The following TTLL12 variants were observed in gnomAD, a reference collection of about 807,000 sequenced individuals.
TTLL12 encodes tubulin tyrosine ligase like 12.
In TTLL12, 77 loss-of-function variants were observed where a neutral mutation model predicts 79.6. The ratio of observed to expected loss-of-function variants is 0.97; its 90% CI spans 0.81 to 1.17. The LOEUF is 1.17. Ranked by LOEUF, TTLL12 falls within the 50% of genes most tolerant of loss-of-function variation. The probability of loss-of-function intolerance (pLI) is 0.00; values close to 1 mark genes in which losing one functional copy is unlikely to be tolerated. For synonymous variants in TTLL12, 437 were observed against 376.1 expected, an observed-to-expected ratio of 1.16 and a Z score of -1.87; for missense variants, 969 against 895.9, an observed-to-expected ratio of 1.08 and a Z score of -1.04.
intron 5 of TTLL12, among the ~76,000 whole-genome samples, chr22:43,177,047 G>A (rs762148560): frequency 1.8e-4 from 27 of 152,182 alleles, no homozygotes; most frequent in Non-Finnish European, 3.1e-4. Flanking sequence ...GAGGGCTGTC[G>A]GGAGCTTCTG....
intron 8 of TTLL12, among the ~76,000 whole-genome samples, 184 bp from the exon 9 acceptor site, chr22:43,174,010 G>A (rs944446063): frequency 2.0e-5 from 3 of 152,082 alleles, no homozygotes; most frequent in Non-Finnish European, 4.4e-5. Flanking sequence ...AGGCAGCTGC[G>A]CTGCGGTGGA....
intron 1 of TTLL12, among the ~76,000 whole-genome samples, chr22:43,184,933 T>C (rs1932141849): frequency 6.6e-6 from 1 of 152,104 alleles, no homozygotes; most frequent in Non-Finnish European, 1.5e-5. Context: ...GTAGACATTT[T>C]AAAAACATCT....
chr22:43,176,288 C>T, intron 6 of TTLL12, 32 bp downstream of exon 6: 1 of 1,528,920 alleles, frequency 6.5e-7, no homozygotes. Flanking sequence ...GCGGACAAGT[C>T]CCAGCCCAAG....
Position 43,168,671 on chromosome 22 carries a change from C to G in TTLL12, c.1783+103G>C, listed in dbSNP as rs371656539. On this transcript the variant is annotated intron_variant, in intron 13 of 13. Transcript: ENST00000216129. ...AACCCAGATTCCTGGCTGATTCAAG[C>G]CAGAGGACAGCCTGGGGCAGCTGCC... 138 of 1,482,742 alleles carry G rather than the reference C, an allele frequency of 9.3e-5. No homozygotes were observed. In the African/African-American group the frequency reaches 1.5e-3, roughly 16 times the overall value. The allele number at this position is 1,482,742 out of a possible 1,614,324, so 91.8% of individuals were successfully genotyped here. A position where few individuals can be genotyped will look rare whatever the true frequency, so the allele number is the denominator to read the frequency against.
At chr22:43,181,143 C>A (rs959436754) in intron 2 of TTLL12, among the ~76,000 whole-genome samples, 22 of 152,152 alleles carry the variant, frequency 1.4e-4, no homozygotes, top group African/African-American at 5.3e-4. Context: ...CCTGTGTGAT[C>A]CTGAGCAAGC....
At position 43,167,515 on chromosome 22, in the gene TTLL12, C is replaced by A; in HGVS notation, c.*493G>T. 1 of 207,244 alleles carries A rather than the reference C, an allele frequency of 4.8e-6. No homozygotes were observed. Among genetic ancestry groups the A allele is most frequent in the Non-Finnish European group, 1.0e-5 (1 of 100,290 alleles). The allele number at this position is 207,244 out of a possible 1,614,324, so 12.8% of individuals were successfully genotyped here. On this transcript the variant is annotated 3_prime_UTR_variant, in exon 14 of 14. Coordinates refer to ENST00000216129, the MANE Select transcript of TTLL12 (RefSeq NM_015140.4). ...GCAGTGTGGGGCCCCACAGCCGTCCCGGGGTCGTCCTGATGCATAAGAGCA... is the reference window on the plus strand; with the variant it reads ...GCAGTGTGGGGCCCCACAGCCGTCCAGGGGTCGTCCTGATGCATAAGAGCA...
In TTLL12 at chr22:43,180,066, C is replaced by T. The variant is rs1932016690; in HGVS notation, c.547-66G>A. The T allele has an allele frequency of 3.3e-6, 5 of 1,500,970 alleles. No homozygotes were observed. The Admixed American group carries it at 9.9e-5, about 30-fold the overall frequency. The allele number at this position is 1,500,970 out of a possible 1,614,324, so 93.0% of individuals were successfully genotyped here. A position where few individuals can be genotyped will look rare whatever the true frequency, so the allele number is the denominator to read the frequency against. On this transcript the variant is annotated intron_variant, in intron 3 of 13. Coordinates refer to ENST00000216129, the MANE Select transcript of TTLL12 (RefSeq NM_015140.4). The stretch of plus-strand genomic sequence containing the variant: ...CACCCACCGGAACTCCCTTCCGGAA[C>T]CCAGACATCGACCACCAGCCCACAG...
At position 43,174,380 on chromosome 22, in the gene TTLL12, C is replaced by T. The variant is rs1931848506; in HGVS notation, c.1058G>A (p.Gly353Asp). The change falls in exon 8 of 14, where the codon GGC becomes GAC. Residue 353 changes from glycine to aspartate, a missense_variant. Physicochemically the swap from Gly to Asp is moderately conservative, Grantham distance 94 (BLOSUM62 -1). Transcript: ENST00000216129. ...DYRKLSQERP[G>D]VLLNQFPCEN... ...GCAGGGGAACTGGTTCAGCAGCACG[C>T]CTGGCCTCTCCTGGCTGAGTTTCCT... 2 of 1,565,728 alleles carry T rather than the reference C, an allele frequency of 1.3e-6. No homozygotes were observed. The highest frequency in any genetic ancestry group is 1.7e-6 in the Non-Finnish European group (2 of 1,151,466).
chr22:43,166,843 A>C lies in TTLL12; in HGVS notation c.*1165T>G. The C allele has an allele frequency of 5.4e-6, 1 of 186,174 alleles. No individual in the cohort carries two copies. Among genetic ancestry groups the C allele is most frequent in the Non-Finnish European group, 1.1e-5 (1 of 88,112 alleles). The allele number at this position is 186,174 out of a possible 1,614,324, so 11.5% of individuals were successfully genotyped here. A position where few individuals can be genotyped will look rare whatever the true frequency, so the allele number is the denominator to read the frequency against. ...CATCAGGTGCAGCTTTGCTACAAGAAAGATAGTTCTTAATTTCAAAGAGGA... is the reference window on the plus strand; with the variant it reads ...CATCAGGTGCAGCTTTGCTACAAGACAGATAGTTCTTAATTTCAAAGAGGA... On this transcript the variant is annotated 3_prime_UTR_variant, in exon 14 of 14. Transcript: ENST00000216129.
At chr22:43,174,156 C>A (rs1412291894) in intron 8 of TTLL12, 53 bp downstream of exon 8, 1 of 1,568,820 alleles carries the variant, frequency 6.4e-7, no homozygotes, top group Non-Finnish European at 8.6e-7. Context: ...GACACAGACG[C>A]TGGGCCGGGG....
chr22:43,172,771 C>T (rs1168600731), intron 9 of TTLL12, among the ~76,000 whole-genome samples: 3 of 151,428 alleles, frequency 2.0e-5, no homozygotes, highest in Non-Finnish European at 2.9e-5. Context: ...AATGTTGGCT[C>T]ACTGCAACCT....
intron 5 of TTLL12, 52 bp downstream of exon 5, chr22:43,179,567 C>G (rs1931998578): frequency 6.6e-7 from 1 of 1,508,402 alleles, no homozygotes; most frequent in African/African-American, 1.4e-5. Context: ...GCACAGAGAA[C>G]ATTCTGGAAG....
Position 43,176,334 on chromosome 22 carries a change from G to T in TTLL12, c.903C>A (p.His301Gln). 6.2e-7 allele frequency: 1 copy of T among 1,600,272 alleles called. No homozygotes were observed. The highest frequency in any genetic ancestry group is 8.5e-7 in the Non-Finnish European group (1 of 1,174,760). ...PLDINPVVHP[H>Q]GHIFKVYTDV... Reference sequence around the variant, plus strand: ...GGGCTACGCACTTGAAGATGTGGCCGTGGGGGTGCACCACGGGGTTGATGT... The same window carrying T: ...GGGCTACGCACTTGAAGATGTGGCCTTGGGGGTGCACCACGGGGTTGATGT... Residue 301 changes from histidine to glutamine, a missense_variant, in exon 6 of 14, where the codon CAC (histidine) becomes CAA (glutamine). Coordinates refer to ENST00000216129, the MANE Select transcript of TTLL12 (RefSeq NM_015140.4).
At chr22:43,180,685 C>A in intron 3 of TTLL12, 57 bp downstream of exon 3, 1 of 1,571,274 alleles carries the variant, frequency 6.4e-7, no homozygotes. Context: ...CACAGGGCAG[C>A]GGAGGTCTGT....
At chr22:43,185,647 T>G (rs1289573083) in intron 1 of TTLL12, among the ~76,000 whole-genome samples, 1 of 152,164 alleles carries the variant, frequency 6.6e-6, no homozygotes, top group East Asian at 1.9e-4. Flanking sequence ...TCATGCCACC[T>G]CCCATCCTTC....
chr22:43,171,783 T>C (rs2071729), intron 11 of TTLL12, 36 bp downstream of exon 11: 121,696 of 1,594,680 alleles, frequency 0.076, 17,638 homozygotes, highest in East Asian at 0.69. Context: ...CCCTGGCCTC[T>C]GTGTGAACCT....
intron 9 of TTLL12, 27 bp from the exon 10 acceptor site, chr22:43,172,581 G>T (rs1345207024): frequency 6.2e-7 from 1 of 1,613,554 alleles, no homozygotes; most frequent in African/African-American, 1.3e-5. Context: ...CAAGCTCGCT[G>T]GTGGCCAGGA....
In TTLL12 at chr22:43,174,169, A is replaced by G. The variant is rs1412700031; in HGVS notation, c.1229+40T>C. 3 of 1,582,312 alleles carry G rather than the reference A, an allele frequency of 1.9e-6. No homozygotes were observed. The East Asian group carries it at 6.7e-5, about 36-fold the overall frequency. On this transcript the variant is annotated intron_variant, in intron 8 of 13. Transcript: ENST00000216129. ...CGGACACAGACGCTGGGCCGGGGAA[A>G]AGGGCCATGGAGCACACCGATGCCG...
At position 43,179,841 on chromosome 22, in the gene TTLL12, C is replaced by T. The variant is rs777178577; in HGVS notation, c.706G>A (p.Glu236Lys). 4.4e-5 allele frequency: 69 copies of T among 1,582,382 alleles called. No homozygotes were observed. Among genetic ancestry groups the T allele is most frequent in the South Asian group, 5.7e-5 (5 of 88,008 alleles). The change falls in exon 4 of 14, where the codon GAG becomes AAG. Residue 236 changes from glutamate to lysine, a missense_variant and splice_region_variant. Physicochemically the swap from Glu to Lys is moderately conservative, Grantham distance 56. Coordinates refer to ENST00000216129, the MANE Select transcript of TTLL12 (RefSeq NM_015140.4). ...LWPLRDLDTG[E>K]EVTRDFAYGE... ...CAGGGCGGGCAGGTGCTGGACTTACCGCCAGTGTCCAGGTCCCTCAGGGGC... is the reference window on the plus strand; with the variant it reads ...CAGGGCGGGCAGGTGCTGGACTTACTGCCAGTGTCCAGGTCCCTCAGGGGC...
Sources: allele counts gnomAD v4.1 joint callset (sites outside exome capture counted in the v4.1 genomes callset), GRCh38; gene constraint gnomAD v4.1.1; transcripts MANE v1.5; gene names NCBI Gene and HGNC (gene_info 2026-07-23, HGNC 2026-07-21).